DST: variants seen among roughly 807,000 people sequenced by gnomAD.
DST encodes the protein bullous pemphigoid antigen.
DST carries 253 observed loss-of-function variants against 875.2 expected under a neutral mutation model. The observed-to-expected ratio is 0.29, with a 90% CI of 0.26 to 0.32. The LOEUF is 0.32. DST is among the 10% of genes least tolerant of loss of function. DST has a pLI of 1.00. For synonymous variants in DST, 3,124 were observed against 3,197.1 expected, an observed-to-expected ratio of 0.98 and a Z score of 0.77; for missense variants, 8,287 against 9,111.6, an observed-to-expected ratio of 0.91 and a Z score of 3.68.
At chr6:56,731,032 G>GA (rs1253467197) in intron 5 of DST, among the ~76,000 whole-genome samples, 1 of 152,154 alleles carries the variant, frequency 6.6e-6, no homozygotes, top group Non-Finnish European at 1.5e-5. Flanking sequence ...TTTTTCTGGA[G>GA]AAAAGGTTAC....
intron 55 of DST, among the ~76,000 whole-genome samples, chr6:56,566,415 G>A (rs938835910): frequency 2.0e-5 from 3 of 152,172 alleles, no homozygotes; most frequent in Non-Finnish European, 2.9e-5. Flanking sequence ...CATTCCTCAT[G>A]GCACAGTCCC....
At chr6:56,680,408 C>A (rs1458445029) in intron 9 of DST, among the ~76,000 whole-genome samples, 1 of 152,184 alleles carries the variant, frequency 6.6e-6, no homozygotes, top group Non-Finnish European at 1.5e-5. Context: ...CTCACTCATT[C>A]AGCAAACACT....
intron 36 of DST, chr6:56,617,510 CA>C (rs2098639742): frequency 1.7e-6 from 2 of 1,207,102 alleles, no homozygotes; most frequent in African/African-American, 3.0e-5. Context: ...CTTTGAATTA[CA>C]AAGACAAGAT....
chr6:56,815,202 C>T (rs917370447), intron 4 of DST, among the ~76,000 whole-genome samples: 1 of 151,902 alleles, frequency 6.6e-6, no homozygotes, highest in African/African-American at 2.4e-5. Context: ...GAAACATTAG[C>T]CTGAAAGGGA....
At chr6:56,678,705 T>G (rs1482765139) in intron 9 of DST, among the ~76,000 whole-genome samples, 1 of 152,070 alleles carries the variant, frequency 6.6e-6, no homozygotes, top group Non-Finnish European at 1.5e-5. Flanking sequence ...AGGACACAGA[T>G]TTACAAAGAC....
chr6:56,603,122 A>C, intron 42 of DST, 83 bp downstream of exon 42: 3 of 1,545,912 alleles, frequency 1.9e-6, no homozygotes, highest in Non-Finnish European at 2.6e-6. Flanking sequence ...AGCACTCTAA[A>C]ACTAAAATAC....
chr6:56,664,700 G>A (rs1215115078), intron 10 of DST, among the ~76,000 whole-genome samples: 1 of 152,070 alleles, frequency 6.6e-6, no homozygotes, highest in Non-Finnish European at 1.5e-5. Flanking sequence ...GAAAATTAAG[G>A]TAAGGTTAGG....
intron 3 of DST, among the ~76,000 whole-genome samples, chr6:56,894,831 T>G (rs1328163725): frequency 7.6e-5 from 4 of 52,432 alleles, no homozygotes; most frequent in South Asian, 8.0e-4. Flanking sequence ...CCCTCCCGGA[T>G]GGGGCGGCTG....
intron 3 of DST, chr6:56,871,062 T>C (rs1776854247): frequency 4.5e-6 from 2 of 448,804 alleles, no homozygotes; most frequent in Admixed American, 3.7e-5. Flanking sequence ...AAATAGCAAA[T>C]GAAATGGACA....
In DST at chr6:56,954,697, C is replaced by T. The variant is rs1408944658; in HGVS notation, c.-110G>A. 9 of 669,686 alleles carry T rather than the reference C, an allele frequency of 1.3e-5. No homozygotes were observed. The East Asian group carries it at 1.1e-3, about 80-fold the overall frequency. The allele number at this position is 669,686 out of a possible 1,614,324, so 41.5% of individuals were successfully genotyped here. On this transcript the variant is annotated 5_prime_UTR_variant, in exon 1 of 104. Transcript: ENST00000680361. The stretch of plus-strand genomic sequence containing the variant: ...GGGCACGGGTGAGCGCGGCTCAGCG[C>T]GTCATGCCTGGCGCTCGCGGCCCCG...
chr6:56,503,594 TACAC>T lies in DST; in HGVS notation c.19566+399_19566+402del, dbSNP rs10637850. ...ATACATCTCTCTCTCTACCTATACATACACACACACACACACACACACACACACA... is the reference window on the plus strand; with the variant it reads ...ATACATCTCTCTCTCTACCTATACATACACACACACACACACACACACACA... On this transcript the variant is annotated intron_variant, in intron 78 of 103. Coordinates refer to ENST00000680361, the MANE Select transcript of DST (RefSeq NM_001374736.1). 2.0e-3 allele frequency among the ~76,000 whole-genome samples: 281 copies of T among 140,914 alleles called. 1 individual carries two copies. The highest frequency in any genetic ancestry group is 7.0e-3 in the Middle Eastern group (2 of 284). The allele number at this position is 140,914 out of a possible 152,430, so 92.4% of individuals were successfully genotyped here.
At position 56,646,118 on chromosome 6, in the gene DST, G is replaced by T. The variant is rs1167667897; in HGVS notation, c.1619C>A (p.Ser540Ter). ...TAATTTATATAGACGTTTAATTTTT[G>T]ATTTTTCTGTCTCCTTTGGTGGAAT... is the stretch of plus-strand genomic sequence containing the variant. ...TEIPPKETEK[S>*]KIKRLYKLLE... The change falls in exon 14 of 104, where the codon TCA becomes TAA. Residue 540 changes from serine to a stop codon, truncating the protein, a stop_gained. Coordinates refer to ENST00000680361, the MANE Select transcript of DST (RefSeq NM_001374736.1). LOFTEE classifies it high-confidence loss of function. 3 of 1,541,426 alleles carry T rather than the reference G, an allele frequency of 1.9e-6. No individual in the cohort carries two copies. Among genetic ancestry groups the T allele is most frequent in the East Asian group, 2.3e-5 (1 of 42,986 alleles).
intron 4 of DST, among the ~76,000 whole-genome samples, chr6:56,766,251 CAT>C (rs1239616122): frequency 3.9e-5 from 6 of 152,198 alleles, no homozygotes; most frequent in Admixed American, 3.9e-4. Context: ...CATGAGAACA[CAT>C]GAGTATAATG....
rs200135276 is a variant in DST, at chr6:56,606,157, C to T, written c.8471G>A (p.Gly2824Glu). The T allele has an allele frequency of 6.2e-7, 1 of 1,606,420 alleles. No individual in the cohort carries two copies. The highest frequency in any genetic ancestry group is 1.3e-5 in the African/African-American group (1 of 74,816). Residue 2824 changes from glycine (G) to glutamate (E), a missense_variant, in exon 40 of 104, where the codon GGA becomes GAA. Physicochemically the swap from Gly to Glu is moderately conservative, Grantham distance 98. This residue lies in a region of DST where 3,138 missense variants were observed against 3,116.6 expected (regional missense o/e 1.01). Transcript: ENST00000680361. ...AGCCACATTTTGGCACCTGGGCTTT[C>T]CATTCTCATCTCTTATACCTCCTCC... is the stretch of plus-strand genomic sequence containing the variant. ...EEGGGIRDEN[G>E]KPRCQNVAED...
intron 4 of DST, among the ~76,000 whole-genome samples, chr6:56,775,748 A>G (rs916265461): frequency 6.6e-6 from 1 of 152,274 alleles, no homozygotes; most frequent in Non-Finnish European, 1.5e-5. Flanking sequence ...AGCTGGAATA[A>G]TTTGAGCAAC....
At chr6:56,904,098 A>G (rs890372614) in intron 2 of DST, among the ~76,000 whole-genome samples, 2 of 152,248 alleles carry the variant, frequency 1.3e-5, no homozygotes, top group African/African-American at 4.8e-5. Context: ...AAGAGTACCT[A>G]GCACGTAGTA....
intron 4 of DST, among the ~76,000 whole-genome samples, chr6:56,788,310 T>C (rs2099709402): frequency 6.6e-6 from 1 of 151,560 alleles, no homozygotes; most frequent in African/African-American, 2.4e-5. Flanking sequence ...CAAGCAATTA[T>C]CCTGCCTTAG....
chr6:56,550,642 AAGT>A (rs1378056945), intron 61 of DST, among the ~76,000 whole-genome samples: 2 of 152,240 alleles, frequency 1.3e-5, no homozygotes, highest in Admixed American at 6.5e-5. Flanking sequence ...ATTGTCTTAC[AAGT>A]AGTTAGAAAC....
intron 49 of DST, among the ~76,000 whole-genome samples, chr6:56,582,784 C>T (rs2098043006): frequency 2.0e-5 from 3 of 152,006 alleles, no homozygotes; most frequent in Non-Finnish European, 4.4e-5. Context: ...TGTGATGATC[C>T]CCGTCCTGTG....
Sources: gnomAD v4.1 joint callset for allele counts (sites outside exome capture counted in the v4.1 genomes callset) on GRCh38, gnomAD v4.1.1 for gene constraint, gnomAD v4.1.1 regional missense constraint, MANE v1.5 for transcripts, NCBI Gene and HGNC (gene_info 2026-07-23, HGNC 2026-07-21) for gene names.